The following COL5A2 variants were observed in gnomAD, a reference collection of about 807,000 sequenced individuals.
The protein encoded by COL5A2 is collagen type V alpha 2 chain.
In COL5A2, 23 loss-of-function variants were observed where a neutral mutation model predicts 208.2. That is an observed-to-expected ratio of 0.11 (90% CI 0.08 to 0.16). The LOEUF (loss-of-function observed/expected upper bound fraction) is 0.16. COL5A2 is among the 10% of genes least tolerant of loss of function. The pLI is 1.00. For synonymous variants in COL5A2, 625 were observed against 628.5 expected, an observed-to-expected ratio of 0.99 and a Z score of 0.08; for missense variants, 1,590 against 1,956.4, an observed-to-expected ratio of 0.81 and a Z score of 3.53.
At chr2:189,371,088 G>C in the COL5A2 span, among the ~76,000 whole-genome samples, 1 of 151,928 alleles carries the variant, frequency 6.6e-6, no homozygotes, top group Non-Finnish European at 1.5e-5. Flanking sequence ...AAAAGAGCAT[G>C]GCACCTCCCC....
At chr2:189,364,550 G>A in the COL5A2 span, among the ~76,000 whole-genome samples, 1 of 152,126 alleles carries the variant, frequency 6.6e-6, no homozygotes, top group African/African-American at 2.4e-5. Context: ...AGCCAGGCGT[G>A]GTGGTGGGCA....
chr2:189,252,102 T>A, the COL5A2 span, among the ~76,000 whole-genome samples: 2 of 152,058 alleles, frequency 1.3e-5, no homozygotes, highest in Non-Finnish European at 2.9e-5. Context: ...CATGAAAAAG[T>A]CAGGAAACAA....
intron 37 of COL5A2, 21 bp downstream of exon 37, chr2:189,053,874 C>T: frequency 1.2e-6 from 2 of 1,605,588 alleles, no homozygotes; most frequent in Non-Finnish European, 1.7e-6. Context: ...CACTAAAGAA[C>T]ACCAAAATAC....
chr2:189,171,509 C>T (rs1394381605), intron 1 of COL5A2, among the ~76,000 whole-genome samples: 2 of 152,078 alleles, frequency 1.3e-5, no homozygotes, highest in African/African-American at 2.4e-5. Context: ...AAACATTTAG[C>T]AGGTAAAATG....
chr2:189,395,560 A>T, the COL5A2 span, among the ~76,000 whole-genome samples: 1 of 152,178 alleles, frequency 6.6e-6, no homozygotes, highest in African/African-American at 2.4e-5. Flanking sequence ...CTCACTGTTT[A>T]CATTTCTAAG....
chr2:189,370,080 A>G, the COL5A2 span, among the ~76,000 whole-genome samples: 1 of 152,150 alleles, frequency 6.6e-6, no homozygotes, highest in African/African-American at 2.4e-5. Flanking sequence ...ATGCTGCCAC[A>G]ATGGACACCA....
chr2:189,326,550 G>T, the COL5A2 span, among the ~76,000 whole-genome samples: 1 of 151,860 alleles, frequency 6.6e-6, no homozygotes, highest in African/African-American at 2.4e-5. Flanking sequence ...AATTAGCTGT[G>T]CATGGTGGTG....
At chr2:189,277,749 A>C in the COL5A2 span, among the ~76,000 whole-genome samples, 1 of 152,104 alleles carries the variant, frequency 6.6e-6, no homozygotes, top group Non-Finnish European at 1.5e-5. Flanking sequence ...AGACTCACTA[A>C]AACTATTCTA....
chr2:189,236,823 C>T, the COL5A2 span, among the ~76,000 whole-genome samples: 1 of 151,798 alleles, frequency 6.6e-6, no homozygotes, highest in African/African-American at 2.4e-5. Context: ...TAAACTCCCA[C>T]TCACTCTTTT....
chr2:189,216,195 AAAAT>A (rs1353113815), intron 1 of COL5A2, among the ~76,000 whole-genome samples: 1 of 152,208 alleles, frequency 6.6e-6, no homozygotes, highest in Non-Finnish European at 1.5e-5. Flanking sequence ...TTGCAAAATG[AAAAT>A]AATATTTTTC....
chr2:189,257,362 T>C, the COL5A2 span, among the ~76,000 whole-genome samples: 1 of 152,212 alleles, frequency 6.6e-6, no homozygotes, highest in Non-Finnish European at 1.5e-5. Flanking sequence ...TGTGAGGTTC[T>C]AAAATATAAA....
the COL5A2 span, among the ~76,000 whole-genome samples, chr2:189,380,022 G>A: frequency 1.3e-5 from 2 of 151,680 alleles, no homozygotes; most frequent in Admixed American, 1.3e-4. Flanking sequence ...TCCTCTTAAA[G>A]GGAGTGAAAT....
the COL5A2 span, among the ~76,000 whole-genome samples, chr2:189,375,325 T>C: frequency 6.6e-6 from 1 of 152,194 alleles, no homozygotes; most frequent in Non-Finnish European, 1.5e-5. Context: ...CCTATATTTT[T>C]ATTTCTAAAC....
the COL5A2 span, among the ~76,000 whole-genome samples, chr2:189,414,753 C>CAAAAAAAAAA: frequency 1.4e-5 from 1 of 70,306 alleles, no homozygotes; most frequent in Non-Finnish European, 2.7e-5. Context: ...GACTCTGTCT[C>CAAAAAAAAAA]AAAAAAAAAA....
At chr2:189,410,913 A>G in the COL5A2 span, among the ~76,000 whole-genome samples, 3 of 152,226 alleles carry the variant, frequency 2.0e-5, no homozygotes, top group Non-Finnish European at 4.4e-5. Context: ...AATTATAATT[A>G]TTAACTTTAA....
At chr2:189,116,842 A>G (rs1321270352) in intron 1 of COL5A2, among the ~76,000 whole-genome samples, 2 of 152,194 alleles carry the variant, frequency 1.3e-5, no homozygotes, top group African/African-American at 4.8e-5. Flanking sequence ...TATATTCTAA[A>G]GCAATATAAT....
At chr2:189,333,144 G>A in the COL5A2 span, among the ~76,000 whole-genome samples, 5 of 152,102 alleles carry the variant, frequency 3.3e-5, no homozygotes, top group East Asian at 1.9e-4. Flanking sequence ...TTACTCTTTC[G>A]AAATTTGAAA....
intron 2 of COL5A2, among the ~76,000 whole-genome samples, chr2:189,105,192 A>G (rs1292345872): frequency 6.6e-6 from 1 of 151,770 alleles, no homozygotes; most frequent in African/African-American, 2.4e-5. Flanking sequence ...ATTGTTACGT[A>G]TACGCTACAT....
In COL5A2 at chr2:189,098,771, A is replaced by G; in HGVS notation, c.370-12T>C. On this transcript the variant is annotated splice_polypyrimidine_tract_variant and intron_variant, in intron 4 of 53. Transcript: ENST00000374866. ...CGTATGCCTGTTACCTAAACAATAA[A>G]CAAGAAAATTTGTAAAGGTAAAGTT... The G allele has an allele frequency of 6.2e-7, 1 of 1,611,344 alleles. No individual in the cohort carries two copies. The highest frequency in any genetic ancestry group is 8.5e-7 in the Non-Finnish European group (1 of 1,177,694).
Sources: allele counts gnomAD v4.1 joint callset (sites outside exome capture counted in the v4.1 genomes callset), GRCh38; gene constraint gnomAD v4.1.1; transcripts MANE v1.5; gene names NCBI Gene and HGNC (gene_info 2026-07-23, HGNC 2026-07-21).